The following SLC10A7 variants were observed in gnomAD, a reference collection of about 807,000 sequenced individuals.
SLC10A7 encodes the protein solute carrier family 10 member 7.
In SLC10A7, 29 loss-of-function variants were observed where a neutral mutation model predicts 43.2. The ratio of observed to expected loss-of-function variants is 0.67; its 90% CI spans 0.50 to 0.92. The LOEUF (loss-of-function observed/expected upper bound fraction) is 0.92. SLC10A7 is among the 40% of genes least tolerant of loss of function. The pLI, the probability that SLC10A7 is intolerant of heterozygous loss-of-function variation, is 0.00. For missense variants in SLC10A7, 295 were observed against 403.2 expected, an observed-to-expected ratio of 0.73 and a Z score of 2.30; for synonymous variants, 152 against 144.8, an observed-to-expected ratio of 1.05 and a Z score of -0.35.
At chr4:146,452,743 T>G (rs1349095351) in intron 4 of SLC10A7, among the ~76,000 whole-genome samples, 1 of 152,000 alleles carries the variant, frequency 6.6e-6, no homozygotes, top group African/African-American at 2.4e-5. Context: ...AAATGCGGAT[T>G]TATACACTAC....
At chr4:146,421,665 CATTT>C (rs1361606120) in intron 5 of SLC10A7, among the ~76,000 whole-genome samples, 8 of 152,118 alleles carry the variant, frequency 5.3e-5, no homozygotes, top group Non-Finnish European at 1.0e-4. Flanking sequence ...ACCATTCATT[CATTT>C]ATTTTTTATG....
intron 9 of SLC10A7, among the ~76,000 whole-genome samples, chr4:146,290,884 A>AAAC (rs1730401592): frequency 6.6e-6 from 1 of 152,120 alleles, no homozygotes; most frequent in East Asian, 1.9e-4. Context: ...CCAAACCAAA[A>AAAC]CAAAACAAAA....
chr4:146,277,850 ATT>A (rs1291018676), intron 10 of SLC10A7, among the ~76,000 whole-genome samples: 1 of 124,700 alleles, frequency 8.0e-6, no homozygotes, highest in Non-Finnish European at 1.7e-5. Flanking sequence ...TTTTTATTTT[ATT>A]AATAATAAAG....
rs1217882885 is a variant in SLC10A7, at chr4:146,442,815, C to T, written c.403G>A (p.Ala135Thr). 1.9e-6 allele frequency: 3 copies of T among 1,588,102 alleles called. No homozygotes were observed. The highest frequency in any genetic ancestry group is 2.6e-6 in the Non-Finnish European group (3 of 1,170,032). Residue 135 changes from alanine to threonine, a missense_variant, in exon 5 of 12, where the codon GCA (alanine) becomes ACA (threonine). This residue lies in a region of SLC10A7 where 242 missense variants were observed against 362.5 expected (regional missense o/e 0.67). Transcript: ENST00000335472. ...TKAVGGNEAA[A>T]IFNSAFGSFL... ...CTTCCAAAGGCTGAATTAAATATTG[C>T]AGCTGCCTATGAAGAAAATAAATAG...
intron 4 of SLC10A7, among the ~76,000 whole-genome samples, chr4:146,450,465 A>G (rs1256358375): frequency 6.6e-6 from 1 of 152,154 alleles, no homozygotes; most frequent in Non-Finnish European, 1.5e-5. Context: ...CCATGGGACA[A>G]TTGCATTAAA....
At chr4:146,404,281 A>G (rs368264660) in intron 5 of SLC10A7, among the ~76,000 whole-genome samples, 2 of 152,108 alleles carry the variant, frequency 1.3e-5, no homozygotes, top group African/African-American at 4.8e-5. Flanking sequence ...CGGCCGCCCA[A>G]AGTGCTGAGA....
rs986630448 is a variant in SLC10A7 at position 146,354,233 on chromosome 4, A to G, written c.436-28237T>C. ...ATGTACAAAAATCACAAGCATTCTT[A>G]TACACCAACAACAGACAAACAGAGA... On this transcript the variant is annotated intron_variant, in intron 5 of 11. Transcript: ENST00000335472. Among the ~76,000 whole-genome samples the G allele has an allele frequency of 2.0e-5, 3 of 149,994 alleles. No individual in the cohort carries two copies. The East Asian group carries it at 5.9e-4, about 30-fold the overall frequency.
At chr4:146,295,395 G>A (rs188703817) in intron 7 of SLC10A7, among the ~76,000 whole-genome samples, 21 of 152,232 alleles carry the variant, frequency 1.4e-4, no homozygotes, top group Admixed American at 5.9e-4. Context: ...AATTAAAGCC[G>A]CACCTGGATT....
At chr4:146,403,855 T>C (rs1460140691) in intron 5 of SLC10A7, among the ~76,000 whole-genome samples, 1 of 152,182 alleles carries the variant, frequency 6.6e-6, no homozygotes, top group Non-Finnish European at 1.5e-5. Context: ...GAATAGCTAT[T>C]GTGAGGAAAG....
intron 5 of SLC10A7, among the ~76,000 whole-genome samples, chr4:146,421,195 T>C (rs1248080918): frequency 5.9e-5 from 9 of 152,162 alleles, no homozygotes; most frequent in Non-Finnish European, 4.4e-5. Context: ...CCTAGTTAGG[T>C]ATCCCTAACT....
At position 146,326,109 on chromosome 4, in the gene SLC10A7, T is replaced by C. The variant is rs1733085922; in HGVS notation, c.436-113A>G. 3 of 818,508 alleles carry C rather than the reference T, an allele frequency of 3.7e-6. 1 individual carries two copies. The highest frequency in any genetic ancestry group is 5.4e-5 in the East Asian group (2 of 36,778). 50.7% of individuals were successfully genotyped at this position (818,508 alleles called of 1,614,324 possible). ...TGCTTATCTTCTCACTGCTGTTTAATAAAATCTAGGAGATAAAGAGGGGAG... is the reference window on the plus strand; with the variant it reads ...TGCTTATCTTCTCACTGCTGTTTAACAAAATCTAGGAGATAAAGAGGGGAG... On this transcript the variant is annotated intron_variant, in intron 5 of 11. Transcript: ENST00000335472.
intron 5 of SLC10A7, among the ~76,000 whole-genome samples, chr4:146,381,908 A>G (rs1189076888): frequency 6.6e-6 from 1 of 152,120 alleles, no homozygotes; most frequent in Non-Finnish European, 1.5e-5. Context: ...AATCTACAAA[A>G]ACAGACATTT....
intron 5 of SLC10A7, among the ~76,000 whole-genome samples, chr4:146,410,506 T>C (rs1044594387): frequency 4.6e-5 from 7 of 152,190 alleles, no homozygotes; most frequent in Non-Finnish European, 5.9e-5. Context: ...GCCGACTGTT[T>C]TAAATTTAAT....
At chr4:146,485,162 G>A (rs1174577437) in intron 4 of SLC10A7, among the ~76,000 whole-genome samples, 2 of 152,160 alleles carry the variant, frequency 1.3e-5, no homozygotes, top group Admixed American at 6.5e-5. Context: ...ATCAAATGGA[G>A]AATTATTTGT....
intron 5 of SLC10A7, among the ~76,000 whole-genome samples, chr4:146,380,850 G>A (rs1027040694): frequency 6.6e-6 from 1 of 151,940 alleles, no homozygotes; most frequent in African/African-American, 2.4e-5. Context: ...TAATTAGTTG[G>A]TACGATGTTT....
intron 5 of SLC10A7, among the ~76,000 whole-genome samples, chr4:146,390,967 A>G (rs1738387302): frequency 6.6e-6 from 1 of 152,220 alleles, no homozygotes; most frequent in South Asian, 2.1e-4. Flanking sequence ...AAAACAAATT[A>G]ACTTTGATCT....
At chr4:146,449,797 A>T (rs1177717078) in intron 4 of SLC10A7, among the ~76,000 whole-genome samples, 1 of 152,158 alleles carries the variant, frequency 6.6e-6, no homozygotes, top group Non-Finnish European at 1.5e-5. Context: ...ATAACTTCCT[A>T]TGTTTTAAAA....
chr4:146,356,052 AT>A (rs1424946469), intron 5 of SLC10A7, among the ~76,000 whole-genome samples: 21,229 of 116,666 alleles, frequency 0.18, 1,905 homozygotes, highest in Middle Eastern at 0.31. Context: ...AAAAAAAAAA[AT>A]ATATATATAT....
chr4:146,302,275 T>A (rs1176948516), intron 7 of SLC10A7, among the ~76,000 whole-genome samples: 2 of 152,184 alleles, frequency 1.3e-5, no homozygotes, highest in Non-Finnish European at 2.9e-5. Flanking sequence ...GAAGTACAGG[T>A]AGATTCAGTT....
Sources: allele counts gnomAD v4.1 joint callset (sites outside exome capture counted in the v4.1 genomes callset), GRCh38; gene constraint gnomAD v4.1.1; regional missense constraint gnomAD v4.1.1; transcripts MANE v1.5; gene names NCBI Gene and HGNC (gene_info 2026-07-23, HGNC 2026-07-21).